NELL2: variants seen among roughly 807,000 people sequenced by gnomAD.
NELL2 encodes neural EGFL like 2.
A neutral mutation model predicts 109.6 loss-of-function variants in NELL2; 41 were observed. The ratio of observed to expected loss-of-function variants is 0.37; its 90% confidence interval spans 0.29 to 0.49. The LOEUF is 0.49. Ranked by LOEUF, NELL2 falls within the 20% of genes least tolerant of loss-of-function variation. The pLI, the probability that NELL2 is intolerant of heterozygous loss-of-function variation, is 0.98. For missense variants in NELL2, 900 were observed against 1,008.3 expected (o/e 0.89, Z 1.45); for synonymous variants, 355 against 344.7 (o/e 1.03, Z -0.33).
intron 9 of NELL2, among the ~76,000 whole-genome samples, chr12:44,745,980 G>A (rs975192749): frequency 1.7e-4 from 26 of 152,142 alleles, no homozygotes; most frequent in South Asian, 2.1e-4. Flanking sequence ...AAAAGAGCCC[G>A]CATTGCCAAG....
chr12:44,850,601 G>A (rs959624628), intron 2 of NELL2, among the ~76,000 whole-genome samples: 2 of 151,968 alleles, frequency 1.3e-5, no homozygotes, highest in African/African-American at 2.4e-5. Flanking sequence ...TTCTTTTTAC[G>A]TAAAAAGTTA....
At chr12:44,770,517 C>A (rs1409173272) in intron 9 of NELL2, among the ~76,000 whole-genome samples, 1 of 152,130 alleles carries the variant, frequency 6.6e-6, no homozygotes, top group African/African-American at 2.4e-5. Context: ...TCCACTTTAA[C>A]TAAACCAAGA....
chr12:44,593,357 T>C (rs1272882572), intron 15 of NELL2, among the ~76,000 whole-genome samples: 1 of 152,072 alleles, frequency 6.6e-6, no homozygotes, highest in Non-Finnish European at 1.5e-5. Context: ...AAAAAGGCAG[T>C]CAGGCAGGAG....
chr12:44,538,302 GAAT>G (rs1942382041), intron 15 of NELL2, among the ~76,000 whole-genome samples: 1 of 152,276 alleles, frequency 6.6e-6, no homozygotes, highest in African/African-American at 2.4e-5. Context: ...TTTGAACTAG[GAAT>G]AATACTTTCC....
intron 2 of NELL2, among the ~76,000 whole-genome samples, chr12:44,872,822 T>C (rs956548891): frequency 3.3e-5 from 5 of 152,204 alleles, no homozygotes; most frequent in African/African-American, 1.2e-4. Context: ...AGTGTATATG[T>C]ATATACCGTA....
chr12:44,720,351 A>G (rs1360753004), intron 9 of NELL2, among the ~76,000 whole-genome samples: 2 of 152,180 alleles, frequency 1.3e-5, no homozygotes, highest in Non-Finnish European at 2.9e-5. Context: ...AAATCTAAAA[A>G]TAAGTGAACT....
chr12:44,644,345 T>C (rs780953910), intron 13 of NELL2, among the ~76,000 whole-genome samples: 3 of 151,848 alleles, frequency 2.0e-5, no homozygotes, highest in Non-Finnish European at 4.4e-5. Context: ...AGATAAATTC[T>C]AGGCAAGGTA....
At chr12:44,808,631 A>G (rs1381155086) in intron 3 of NELL2, among the ~76,000 whole-genome samples, 1 of 152,042 alleles carries the variant, frequency 6.6e-6, no homozygotes, top group Non-Finnish European at 1.5e-5. Flanking sequence ...TAATGAGTTT[A>G]GTAGCTTTTA....
chr12:44,863,997 T>C (rs1944916573), intron 2 of NELL2, among the ~76,000 whole-genome samples: 1 of 152,152 alleles, frequency 6.6e-6, no homozygotes, highest in South Asian at 2.1e-4. Flanking sequence ...TAAAATAGCC[T>C]GTTTTAACTA....
intron 12 of NELL2, among the ~76,000 whole-genome samples, chr12:44,689,908 A>G (rs1948847846): frequency 6.6e-6 from 1 of 152,224 alleles, no homozygotes; most frequent in African/African-American, 2.4e-5. Flanking sequence ...GTTAAAACAA[A>G]AAACACTCTG....
At chr12:44,620,514 T>A (rs1488531120) in intron 13 of NELL2, among the ~76,000 whole-genome samples, 1 of 152,136 alleles carries the variant, frequency 6.6e-6, no homozygotes, top group Non-Finnish European at 1.5e-5. Context: ...CCCATTTCCA[T>A]CCTCAGCACA....
At chr12:44,826,782 A>G (rs1184599501) in intron 2 of NELL2, among the ~76,000 whole-genome samples, 1 of 152,248 alleles carries the variant, frequency 6.6e-6, no homozygotes, top group Non-Finnish European at 1.5e-5. Flanking sequence ...CAAGTGGCAG[A>G]GCCAGGATCC....
chr12:44,630,815 T>C lies in NELL2; in HGVS notation c.1445-19845A>G, dbSNP rs1218793452. ...AGAAAGTGAGTTTTTAAAAACATTA[T>C]TTTGAGTGCTGTTAGATGGAATAAA... On this transcript the variant is annotated intron_variant, in intron 13 of 19. Transcript: ENST00000429094. 1.3e-5 allele frequency among the ~76,000 whole-genome samples: 2 copies of C among 152,172 alleles called. 1 individual carries two copies. Among genetic ancestry groups the C allele is most frequent in the African/African-American group, 4.8e-5 (2 of 41,444 alleles).
intron 13 of NELL2, among the ~76,000 whole-genome samples, chr12:44,631,406 A>C (rs1343714743): frequency 6.6e-6 from 1 of 152,040 alleles, no homozygotes; most frequent in Non-Finnish European, 1.5e-5. Flanking sequence ...ACTAAATGCT[A>C]TAAAGAATAC....
At chr12:44,633,379 A>G (rs1280093944) in intron 13 of NELL2, among the ~76,000 whole-genome samples, 2 of 152,122 alleles carry the variant, frequency 1.3e-5, no homozygotes, top group East Asian at 1.9e-4. Flanking sequence ...GATGGTAGCT[A>G]GAGTGGGGTC....
intron 13 of NELL2, among the ~76,000 whole-genome samples, chr12:44,613,400 G>C (rs534704470): frequency 6.6e-6 from 1 of 152,124 alleles, no homozygotes; most frequent in Non-Finnish European, 1.5e-5. Flanking sequence ...GATGGGGCAA[G>C]ATAGGAACTA....
intron 19 of NELL2, among the ~76,000 whole-genome samples, chr12:44,509,422 G>T (rs922096262): frequency 2.0e-5 from 3 of 152,162 alleles, no homozygotes; most frequent in Non-Finnish European, 4.4e-5. Flanking sequence ...CTAAATGTTT[G>T]CATCCTCTTA....
intron 13 of NELL2, among the ~76,000 whole-genome samples, chr12:44,662,418 A>T (rs778580287): frequency 7.9e-5 from 12 of 152,188 alleles, no homozygotes; most frequent in Non-Finnish European, 1.8e-4. Context: ...GAGTTATAAT[A>T]AAGAGGTTCA....
intron 13 of NELL2, among the ~76,000 whole-genome samples, chr12:44,661,014 T>G (rs1947722915): frequency 6.6e-6 from 1 of 152,098 alleles, no homozygotes; most frequent in African/African-American, 2.4e-5. Context: ...ACTAAAGCGT[T>G]AACTGAATGC....
Sources: allele counts gnomAD v4.1 joint callset (sites outside exome capture counted in the v4.1 genomes callset), GRCh38; gene constraint gnomAD v4.1.1; transcripts MANE v1.5; gene names NCBI Gene and HGNC (gene_info 2026-07-23, HGNC 2026-07-21).